SVEP1: variants seen among roughly 807,000 people sequenced by gnomAD.
SVEP1 encodes the protein sushi, von Willebrand factor type A, EGF and pentraxin domain containing 1.
Under a neutral mutation model 367.3 loss-of-function variants are expected in SVEP1, and 164 were observed. The observed-to-expected ratio is 0.45, with a 90% CI of 0.39 to 0.51. The LOEUF (loss-of-function observed/expected upper bound fraction) is 0.51, where lower values mean the gene tolerates loss of function less well. Ranked by LOEUF, SVEP1 falls within the 20% of genes least tolerant of loss-of-function variation. The pLI is 0.00. For synonymous variants in SVEP1, 1,666 were observed against 1,611.6 expected (o/e 1.03, Z -0.81); for missense variants, 4,117 against 4,425.3 (o/e 0.93, Z 1.98).
At chr9:110,541,507 G>C (rs1201478381) in intron 3 of SVEP1, among the ~76,000 whole-genome samples, 1 of 152,042 alleles carries the variant, frequency 6.6e-6, no homozygotes, top group Non-Finnish European at 1.5e-5. Context: ...GTCTAGCCTA[G>C]AACAGTAGAA....
chr9:110,449,911 G>A (rs549338716), intron 24 of SVEP1, 148 bp downstream of exon 24: 48 of 898,838 alleles, frequency 5.3e-5, no homozygotes, highest in African/African-American at 4.8e-4. Flanking sequence ...CAGAAATGGC[G>A]GTGGGAATAT....
chr9:110,424,364 T>A (rs1300475265), intron 36 of SVEP1, among the ~76,000 whole-genome samples: 9 of 151,916 alleles, frequency 5.9e-5, no homozygotes, highest in Non-Finnish European at 1.0e-4. Flanking sequence ...AAAAATAAGG[T>A]TAAGTGAAAA....
At chr9:110,455,984 A>T (rs898272071) in intron 21 of SVEP1, among the ~76,000 whole-genome samples, 12 of 152,180 alleles carry the variant, frequency 7.9e-5, no homozygotes, top group African/African-American at 2.9e-4. Context: ...TGGAGCCAGG[A>T]ATTATGCTAA....
At chr9:110,562,616 A>G (rs10980446) in intron 1 of SVEP1, among the ~76,000 whole-genome samples, 16,565 of 152,236 alleles carry the variant, frequency 0.11, 1,107 homozygotes, top group East Asian at 0.33. Context: ...ATCATAAACC[A>G]ATGACCAAAA....
Position 110,408,341 on chromosome 9 carries a change from G to A in SVEP1, c.7259C>T (p.Thr2420Ile). Residue 2420 changes from threonine (T) to isoleucine (I), a missense_variant, in exon 38 of 48, where the codon ACC becomes ATC. Thr to Ile is a moderately conservative substitution (Grantham distance 89, BLOSUM62 -1). Coordinates refer to ENST00000374469, the MANE Select transcript of SVEP1 (RefSeq NM_153366.4). ...CCAGGTGCCATCAGGTTGGCAGAGG[G>A]TGGTAGAATTTCCTCTTAGGAAAAA... ...GGFFLRGNSTTLCQPDGTWSS... is the reference protein window; with the variant it reads ...GGFFLRGNSTILCQPDGTWSS... 6.2e-7 allele frequency: 1 copy of A among 1,613,926 alleles called. No individual in the cohort carries two copies. The highest frequency in any genetic ancestry group is 8.5e-7 in the Non-Finnish European group (1 of 1,179,856).
chr9:110,506,048 T>A (rs918414012), intron 5 of SVEP1, among the ~76,000 whole-genome samples: 1 of 152,172 alleles, frequency 6.6e-6, no homozygotes, highest in Non-Finnish European at 1.5e-5. Flanking sequence ...AACTCCCTCT[T>A]ATGAGTGAGA....
At chr9:110,459,137 A>T (rs778752275) in intron 18 of SVEP1, 24 bp from the exon 19 acceptor site, 1 of 1,609,138 alleles carries the variant, frequency 6.2e-7, no homozygotes, top group Non-Finnish European at 8.5e-7. Context: ...AACAAATCAT[A>T]TGTGCATATA....
rs997051105 is a variant in SVEP1, at chr9:110,554,626, T to G, written c.532-4522A>C. 3.9e-5 allele frequency among the ~76,000 whole-genome samples: 6 copies of G among 152,246 alleles called. No homozygotes were observed. The South Asian group carries it at 1.2e-3, about 32-fold the overall frequency. ...CAGGAGCCAGCCTGAAGAGGCTCCTTCTGGCAAAATAAAGGTCATTTTGAG... is the reference window on the plus strand; with the variant it reads ...CAGGAGCCAGCCTGAAGAGGCTCCTGCTGGCAAAATAAAGGTCATTTTGAG... On this transcript the variant is annotated intron_variant, in intron 1 of 47. Transcript: ENST00000374469.
intron 44 of SVEP1, among the ~76,000 whole-genome samples, chr9:110,379,049 T>C (rs1827394634): frequency 7.7e-6 from 1 of 129,466 alleles, no homozygotes; most frequent in African/African-American, 3.9e-5. Flanking sequence ...ATGAAATAAT[T>C]ATTATGATGT....
At chr9:110,467,636 C>CTT (rs11366981) in intron 17 of SVEP1, among the ~76,000 whole-genome samples, 10 of 133,938 alleles carry the variant, frequency 7.5e-5, no homozygotes, top group East Asian at 2.2e-4. Flanking sequence ...GTCTTTTTTA[C>CTT]TTTTTTTTTT....
chr9:110,496,756 T>A, intron 8 of SVEP1, 59 bp downstream of exon 8: 1 of 1,256,024 alleles, frequency 8.0e-7, no homozygotes, highest in Non-Finnish European at 1.1e-6. Context: ...TCAACACACA[T>A]ATCTGCAGTA....
chr9:110,425,693 T>G (rs1231486282), intron 36 of SVEP1, among the ~76,000 whole-genome samples: 1 of 152,254 alleles, frequency 6.6e-6, no homozygotes, highest in African/African-American at 2.4e-5. Context: ...AGATAAACGT[T>G]AGGCAGACAT....
intron 3 of SVEP1, 132 bp downstream of exon 3, chr9:110,545,983 C>T: frequency 8.8e-7 from 1 of 1,131,718 alleles, no homozygotes; most frequent in Non-Finnish European, 1.2e-6. Context: ...ACAGCTGAAG[C>T]CCCAAAGAGA....
intron 3 of SVEP1, among the ~76,000 whole-genome samples, chr9:110,521,610 C>T (rs1344843516): frequency 6.6e-6 from 1 of 152,178 alleles, no homozygotes; most frequent in African/African-American, 2.4e-5. Context: ...CATATATTCA[C>T]ACATCAATAC....
chr9:110,551,788 G>A (rs1014119295), intron 1 of SVEP1, among the ~76,000 whole-genome samples: 3 of 152,140 alleles, frequency 2.0e-5, no homozygotes, highest in South Asian at 4.1e-4. Flanking sequence ...CTGAGGAGAG[G>A]AAGAGGGAAA....
chr9:110,411,694 T>C lies in SVEP1; in HGVS notation c.6017A>G (p.Asp2006Gly), dbSNP rs1828047332. The C allele has an allele frequency of 6.3e-7, 1 of 1,595,352 alleles. No homozygotes were observed. The highest frequency in any genetic ancestry group is 1.3e-5 in the African/African-American group (1 of 74,564). Reference sequence around the variant, plus strand: ...CTGGTCACTTCTACTCCACTTGCCGTCGGCCAGGCATTCAATGGTGTCAAG... The same window carrying C: ...CTGGTCACTTCTACTCCACTTGCCGCCGGCCAGGCATTCAATGGTGTCAAG... ...AGLDTIECLA[D>G]GKWSRSDQQC... The change falls in exon 37 of 48, where the codon GAC (aspartate) becomes GGC (glycine). Residue 2006 changes from aspartate to glycine, a missense_variant. By Grantham distance (94) the Asp-to-Gly change is moderately conservative. Coordinates refer to ENST00000374469, the MANE Select transcript of SVEP1 (RefSeq NM_153366.4).
At chr9:110,466,302 T>C (rs1401540476) in intron 17 of SVEP1, among the ~76,000 whole-genome samples, 1 of 152,156 alleles carries the variant, frequency 6.6e-6, no homozygotes, top group Non-Finnish European at 1.5e-5. Flanking sequence ...CGAATGAAGT[T>C]AGAAATACAT....
In SVEP1 at chr9:110,482,366, A is replaced by C. The variant is rs1829205128; in HGVS notation, c.2165T>G (p.Ile722Arg). The C allele has an allele frequency of 6.2e-7, 1 of 1,611,558 alleles. No individual in the cohort carries two copies. The highest frequency in any genetic ancestry group is 1.3e-5 in the African/African-American group (1 of 74,818). The change falls in exon 11 of 48, where the codon ATA (isoleucine) becomes AGA (arginine). Residue 722 changes from isoleucine (I) to arginine (R), a missense_variant. Physicochemically the swap from Ile to Arg is moderately conservative, Grantham distance 97. Transcript: ENST00000374469. ...NNRTCDIHIV[I>R]KGSPCEIPFT... ...GGGACTTATGAAGACAATACCTTTT[A>C]TGACAATATGGATATCACATGTCCT... is the stretch of plus-strand genomic sequence containing the variant.
rs774501316 is a variant in SVEP1 at position 110,407,345 on chromosome 9, G to A, written c.8255C>T (p.Ser2752Phe). 2 of 1,613,854 alleles carry A rather than the reference G, an allele frequency of 1.2e-6. No homozygotes were observed. Among genetic ancestry groups the A allele is most frequent in the African/African-American group, 2.7e-5 (2 of 74,922 alleles). The change falls in exon 38 of 48, where the codon TCT becomes TTT. Residue 2752 changes from serine to phenylalanine, a missense_variant. Ser to Phe is a radical substitution (Grantham distance 155). Transcript: ENST00000374469. ...ATTCTCTAGACAAAGCCTTAAGTCA[G>A]AGCCTGCTAGAATGTGTCCAGGTTT... ...SCKPGHILAG[S>F]DLRLCLENRK...
Sources: allele counts gnomAD v4.1 joint callset (sites outside exome capture counted in the v4.1 genomes callset), GRCh38; gene constraint gnomAD v4.1.1; transcripts MANE v1.5; gene names NCBI Gene and HGNC (gene_info 2026-07-23, HGNC 2026-07-21).